Variants in MARCHF7 observed in about 807,000 individuals in gnomAD.
MARCHF7 encodes the protein membrane associated ring-CH-type finger 7, also known as E3 ubiquitin-protein ligase MARCHF7.
A neutral mutation model predicts 76.5 loss-of-function variants in MARCHF7; 20 were observed. That is an observed-to-expected ratio of 0.26 (90% CI 0.18 to 0.38). The LOEUF (loss-of-function observed/expected upper bound fraction) is 0.38, where lower values mean the gene tolerates loss of function less well. Ranked by LOEUF, MARCHF7 falls within the 10% of genes least tolerant of loss-of-function variation. The pLI, the probability that MARCHF7 is intolerant of heterozygous loss-of-function variation, is 1.00. For synonymous variants in MARCHF7, 295 were observed against 293.0 expected (o/e 1.01, Z -0.07); for missense variants, 797 against 812.9 (o/e 0.98, Z 0.24).
chr2:159,770,631 T>C lies in MARCHF7; in HGVS notation c.*3289T>C, dbSNP rs1323684053. On this transcript the variant is annotated 3_prime_UTR_variant, in exon 12 of 12. Coordinates refer to ENST00000409175, the MANE Select transcript of MARCHF7 (RefSeq NM_001282805.2). ...ATACTTCAGTCAGTAATGGACCACATATAGAACAGTGTTTCCTTAGTAGAC... is the reference window on the plus strand; with the variant it reads ...ATACTTCAGTCAGTAATGGACCACACATAGAACAGTGTTTCCTTAGTAGAC... 1.3e-5 allele frequency: 2 copies of C among 152,174 alleles called. No individual in the cohort carries two copies. Among genetic ancestry groups the C allele is most frequent in the Non-Finnish European group, 1.5e-5 (1 of 68,008 alleles). The allele number at this position is 152,174 out of a possible 1,614,324, so 9.4% of individuals were successfully genotyped here. A position where few individuals can be genotyped will look rare whatever the true frequency, so the allele number is the denominator to read the frequency against.
chr2:159,750,274 C>T (rs1207578575), intron 7 of MARCHF7, among the ~76,000 whole-genome samples: 5 of 152,194 alleles, frequency 3.3e-5, no homozygotes, highest in Non-Finnish European at 7.3e-5. Flanking sequence ...ACGCTGTAAT[C>T]CCAGCACTTT....
chr2:159,741,390 A>G (rs931007809), intron 4 of MARCHF7, among the ~76,000 whole-genome samples: 1 of 152,140 alleles, frequency 6.6e-6, no homozygotes, highest in Admixed American at 6.5e-5. Flanking sequence ...AAAATGGTTT[A>G]TACGTCTTTT....
chr2:159,713,000 A>G (rs991313619), intron 1 of MARCHF7, among the ~76,000 whole-genome samples: 1 of 152,008 alleles, frequency 6.6e-6, no homozygotes, highest in South Asian at 2.1e-4. Flanking sequence ...GGGTCTTCGG[A>G]GCCCTGCGGG....
chr2:159,723,366 A>G (rs1025866687), intron 3 of MARCHF7, among the ~76,000 whole-genome samples: 1 of 152,230 alleles, frequency 6.6e-6, no homozygotes, highest in Non-Finnish European at 1.5e-5. Context: ...CGTAGGTACT[A>G]TTAATAATTA....
intron 7 of MARCHF7, 91 bp downstream of exon 7, chr2:159,748,994 T>TC: frequency 7.6e-7 from 1 of 1,307,734 alleles, no homozygotes; most frequent in Non-Finnish European, 1.0e-6. Flanking sequence ...TTTTTTTTTT[T>TC]TTGAGACGGA....
In MARCHF7 at chr2:159,762,920, T is replaced by G; in HGVS notation, c.1934T>G (p.Val645Gly). ...ATCAGCTCTGGTCTCTACCTAGTGG[T>G]GTTATTGCACTTGTGCGAACAAAGC... ...EFISSGLYLV[V>G]LLHLCEQSFS... The change falls in exon 10 of 12, where the codon GTG becomes GGG. Residue 645 changes from valine (V) to glycine (G), a missense_variant. Transcript: ENST00000409175. 6.2e-7 allele frequency: 1 copy of G among 1,613,246 alleles called. No homozygotes were observed. The highest frequency in any genetic ancestry group is 8.5e-7 in the Non-Finnish European group (1 of 1,179,700).
chr2:159,756,325 T>C (rs1706287880), intron 8 of MARCHF7, among the ~76,000 whole-genome samples: 1 of 152,220 alleles, frequency 6.6e-6, no homozygotes, highest in Admixed American at 6.5e-5. Context: ...CTATAGGGTC[T>C]TGAGCATGTT....
chr2:159,718,947 G>C lies in MARCHF7; in HGVS notation c.-15+3181G>C, dbSNP rs375709558. Among the ~76,000 whole-genome samples, 7 of 152,212 alleles carry C rather than the reference G, an allele frequency of 4.6e-5. No individual in the cohort carries two copies. In the East Asian group the frequency reaches 5.8e-4, roughly 13 times the overall value. On this transcript the variant is annotated intron_variant, in intron 3 of 11. Coordinates refer to ENST00000409175, the MANE Select transcript of MARCHF7 (RefSeq NM_001282805.2). ...GTCAGCCACACTGCTCTCCAAAACT[G>C]TATTTCCAGCGTTCTCCTGGACCTT...
At chr2:159,712,995 T>G (rs925455632) in intron 1 of MARCHF7, among the ~76,000 whole-genome samples, 1 of 152,120 alleles carries the variant, frequency 6.6e-6, no homozygotes, top group African/African-American at 2.4e-5. Context: ...GCGGGGGGTC[T>G]TCGGAGCCCT....
rs567521661 is a variant in MARCHF7 at position 159,736,800 on chromosome 2, T to C, written c.154-6261T>C. 7.2e-5 allele frequency among the ~76,000 whole-genome samples: 11 copies of C among 152,320 alleles called. No individual in the cohort carries two copies. In the South Asian group the frequency reaches 2.3e-3, roughly 32 times the overall value. On this transcript the variant is annotated intron_variant, in intron 4 of 11. Coordinates refer to ENST00000409175, the MANE Select transcript of MARCHF7 (RefSeq NM_001282805.2). ...AGTTATATAAAGTCTTGGAAAGTTA[T>C]TTTCTATTCATTGTGCATAGAGTAT...
chr2:159,731,710 C>T (rs149321559), intron 4 of MARCHF7, among the ~76,000 whole-genome samples: 150 of 151,306 alleles, frequency 9.9e-4, no homozygotes, highest in Non-Finnish European at 1.8e-3. Context: ...GCCAAGATCG[C>T]GCCATTGCAC....
chr2:159,747,208 A>C (rs1410406374), intron 6 of MARCHF7, among the ~76,000 whole-genome samples: 1 of 152,218 alleles, frequency 6.6e-6, no homozygotes, highest in Non-Finnish European at 1.5e-5. Context: ...ATTTTAGCAA[A>C]TATAACACAC....
chr2:159,750,404 A>G (rs1380306810), intron 7 of MARCHF7, among the ~76,000 whole-genome samples: 1 of 152,214 alleles, frequency 6.6e-6, no homozygotes, highest in Non-Finnish European at 1.5e-5. Flanking sequence ...ATGCACCTGT[A>G]GTCGCAGCTA....
chr2:159,761,643 C>T (rs891998258), intron 9 of MARCHF7, among the ~76,000 whole-genome samples: 1 of 151,688 alleles, frequency 6.6e-6, no homozygotes, highest in Non-Finnish European at 1.5e-5. Context: ...AACTCCTGAC[C>T]TCAAGTGATC....
intron 4 of MARCHF7, among the ~76,000 whole-genome samples, chr2:159,741,513 C>T (rs991497555): frequency 1.3e-5 from 2 of 152,156 alleles, no homozygotes; most frequent in Non-Finnish European, 2.9e-5. Context: ...TTCTGTAAAA[C>T]TTTCACTGTA....
In MARCHF7 at chr2:159,743,044, T is replaced by TC; in HGVS notation, c.154-17_154-16insC. On this transcript the variant is annotated splice_polypyrimidine_tract_variant and intron_variant, in intron 4 of 11. Transcript: ENST00000409175. ...ATGCAGCCTTTTGTTGTTTAAAAAA[T>TC]TTTTTTGAACTCACAGTCTACATCA... 1 of 1,589,544 alleles carries TC rather than the reference T, an allele frequency of 6.3e-7. No individual in the cohort carries two copies.
chr2:159,741,019 A>C (rs955042001), intron 4 of MARCHF7, among the ~76,000 whole-genome samples: 1 of 152,192 alleles, frequency 6.6e-6, no homozygotes. Context: ...CTCTATAAAA[A>C]ATAAATTTAA....
intron 3 of MARCHF7, among the ~76,000 whole-genome samples, chr2:159,719,969 G>A (rs1701450847): frequency 1.3e-5 from 2 of 152,090 alleles, no homozygotes; most frequent in African/African-American, 4.8e-5. Flanking sequence ...TTCCAGTAGT[G>A]GACTGCCGCT....
intron 4 of MARCHF7, 89 bp from the exon 5 acceptor site, chr2:159,742,972 T>TC: frequency 1.7e-6 from 2 of 1,168,940 alleles, no homozygotes; most frequent in Non-Finnish European, 2.4e-6. Flanking sequence ...GAAAAATTGA[T>TC]GCTTGTGGGA....
Sources: gnomAD v4.1 joint callset for allele counts (sites outside exome capture counted in the v4.1 genomes callset) on GRCh38, gnomAD v4.1.1 for gene constraint, MANE v1.5 for transcripts, NCBI Gene and HGNC (gene_info 2026-07-23, HGNC 2026-07-21) for gene names.